Variants in KIF1B observed in about 807,000 individuals in gnomAD.
The protein encoded by KIF1B is kinesin family member 1B, also known as kinesin-like protein KIF1B.
In KIF1B, 76 loss-of-function variants were observed where a neutral mutation model predicts 241.9. That is an observed-to-expected ratio of 0.31 (90% CI 0.26 to 0.38). The LOEUF (loss-of-function observed/expected upper bound fraction) is 0.38. Among genes scored for constraint, KIF1B ranks in the 10% least tolerant of loss-of-function variants. The pLI, the probability that KIF1B is intolerant of heterozygous loss-of-function variation, is 1.00. For synonymous variants in KIF1B, 750 were observed against 796.7 expected, an observed-to-expected ratio of 0.94 and a Z score of 0.99; for missense variants, 1,622 against 2,271.4, an observed-to-expected ratio of 0.71 and a Z score of 5.81.
chr1:10,322,532 T>G (rs1651563830), intron 24 of KIF1B, among the ~76,000 whole-genome samples: 1 of 152,230 alleles, frequency 6.6e-6, no homozygotes, highest in African/African-American at 2.4e-5. Flanking sequence ...TTAGATTCAG[T>G]CTTCTGTATG....
In KIF1B at chr1:10,347,841, A is replaced by T. The variant is rs1406497379; in HGVS notation, c.3864+14A>T. On this transcript the variant is annotated intron_variant, in intron 36 of 48. Coordinates refer to ENST00000676179, the MANE Select transcript of KIF1B (RefSeq NM_001365951.3). ...TTGCTTCATCAGGTACTAATGAGGG[A>T]CCAAAACAGGCATCGGAGGGAACAC... The T allele has an allele frequency of 6.2e-7, 1 of 1,603,530 alleles. No individual in the cohort carries two copies. Among genetic ancestry groups the T allele is most frequent in the Middle Eastern group, 1.7e-4 (1 of 6,026 alleles).
chr1:10,232,279 T>G lies in KIF1B; in HGVS notation c.-50T>G, dbSNP rs1396334912. On this transcript the variant is annotated 5_prime_UTR_variant, in exon 2 of 49. It adds an upstream start codon to the 5' untranslated region. Transcript: ENST00000676179. Reference sequence around the variant, plus strand: ...CTTGGCTGTAACTTCAAAAGAAGATTTGATTCTTTATTTCTGGACTGCATA... The same window carrying G: ...CTTGGCTGTAACTTCAAAAGAAGATGTGATTCTTTATTTCTGGACTGCATA... 5.1e-6 allele frequency: 7 copies of G among 1,383,964 alleles called. No individual in the cohort carries two copies. The highest frequency in any genetic ancestry group is 7.1e-6 in the Non-Finnish European group (7 of 982,950). 85.7% of individuals were successfully genotyped at this position (1,383,964 alleles called of 1,614,324 possible). A position where few individuals can be genotyped will look rare whatever the true frequency, so the allele number is the denominator to read the frequency against.
chr1:10,288,452 G>C (rs1465620081), intron 15 of KIF1B, among the ~76,000 whole-genome samples: 1 of 152,154 alleles, frequency 6.6e-6, no homozygotes, highest in Non-Finnish European at 1.5e-5. Context: ...GGACTGTGTA[G>C]AGATGCCATT....
intron 2 of KIF1B, among the ~76,000 whole-genome samples, chr1:10,254,660 A>G (rs1398447395): frequency 6.6e-6 from 1 of 151,846 alleles, no homozygotes; most frequent in Non-Finnish European, 1.5e-5. Context: ...GTGGATCACA[A>G]GGTCAGGAGA....
In KIF1B at chr1:10,360,990, C is replaced by T. The variant is rs769198607; in HGVS notation, c.4117C>T (p.Arg1373Ter). The T allele has an allele frequency of 1.2e-6, 2 of 1,613,822 alleles. No homozygotes were observed. Among genetic ancestry groups the T allele is most frequent in the Admixed American group, 1.7e-5 (1 of 59,972 alleles). ...SSLHNSLLLN[R>*]VTPYGEKIYM... ...TCTGCATAACTCCCTTCTTCTGAAC[C>T]GAGTGACACCCTATGGAGAAAAGAT... The change falls in exon 39 of 49, where the codon CGA becomes TGA. Residue 1373 changes from arginine (R) to a stop codon, truncating the protein, a stop_gained. Transcript: ENST00000676179. LOFTEE classifies it high-confidence loss of function.
In KIF1B at chr1:10,314,633, T is replaced by C. The variant is rs1055723949; in HGVS notation, c.2116-5410T>C. Among the ~76,000 whole-genome samples, 34 of 151,468 alleles carry C rather than the reference T, an allele frequency of 2.2e-4. 2 individuals carry two copies. The highest frequency in any genetic ancestry group is 8.1e-4 in the African/African-American group (33 of 40,788). Reference sequence around the variant, plus strand: ...CAGGGTCTCACTATGTTGCCCGGACTGGTCTCAAACTCCTGAGCTCAAGTG... The same window carrying C: ...CAGGGTCTCACTATGTTGCCCGGACCGGTCTCAAACTCCTGAGCTCAAGTG... On this transcript the variant is annotated intron_variant, in intron 22 of 48. Transcript: ENST00000676179.
At chr1:10,225,954 A>G (rs1171677881) in intron 1 of KIF1B, among the ~76,000 whole-genome samples, 1 of 152,232 alleles carries the variant, frequency 6.6e-6, no homozygotes, top group African/African-American at 2.4e-5. Flanking sequence ...CAGATAGGGC[A>G]GATGAAAAGG....
In KIF1B at chr1:10,297,002, C is replaced by A. The variant is rs775155863; in HGVS notation, c.1967C>A (p.Pro656His). 1.9e-6 allele frequency: 3 copies of A among 1,613,958 alleles called. No individual in the cohort carries two copies. The highest frequency in any genetic ancestry group is 2.5e-6 in the Non-Finnish European group (3 of 1,179,996). ...CCTTCTGCTGAGACCCCCTCTGAGC[C>A]TGTGGACTGGACATTTGCCCAGAGG... ...KTPSAETPSE[P>H]VDWTFAQREL... is the part of the protein sequence containing the mutation. Residue 656 changes from proline (P) to histidine (H), a missense_variant, in exon 21 of 49, where the codon CCT (proline) becomes CAT (histidine). Pro to His is a moderately conservative substitution (Grantham distance 77). This residue lies in a region of KIF1B where 803 missense variants were observed against 1,112.0 expected (regional missense o/e 0.72). Transcript: ENST00000676179.
chr1:10,359,695 T>G (rs888837039), intron 38 of KIF1B, among the ~76,000 whole-genome samples: 1 of 152,204 alleles, frequency 6.6e-6, no homozygotes, highest in Non-Finnish European at 1.5e-5. Flanking sequence ...TTTATTCTCT[T>G]TTACTGAAAC....
At chr1:10,221,018 G>T (rs1054872489) in intron 1 of KIF1B, among the ~76,000 whole-genome samples, 1 of 149,212 alleles carries the variant, frequency 6.7e-6, no homozygotes, top group South Asian at 2.2e-4. Flanking sequence ...CCATATTGGA[G>T]ATTAAAAATC....
intron 31 of KIF1B, 26 bp from the exon 32 acceptor site, chr1:10,339,743 C>T (rs368065082): frequency 1.2e-5 from 19 of 1,595,688 alleles, no homozygotes; most frequent in Middle Eastern, 1.7e-4. Flanking sequence ...GCATTGTTCA[C>T]GAGTCTTTTT....
intron 40 of KIF1B, among the ~76,000 whole-genome samples, chr1:10,362,146 T>C (rs1423130831): frequency 6.6e-6 from 1 of 152,198 alleles, no homozygotes; most frequent in Non-Finnish European, 1.5e-5. Context: ...CTTTTTAAGA[T>C]TTGTTATGCA....
At chr1:10,236,790 A>T (rs1191358228) in intron 2 of KIF1B, among the ~76,000 whole-genome samples, 1 of 148,868 alleles carries the variant, frequency 6.7e-6, no homozygotes, top group Non-Finnish European at 1.5e-5. Context: ...GATTTTTAAC[A>T]TTTGTATGAA....
intron 32 of KIF1B, 141 bp from the exon 33 acceptor site, chr1:10,341,909 C>T (rs574654726): frequency 5.6e-5 from 38 of 677,660 alleles, no homozygotes; most frequent in South Asian, 2.0e-4. Flanking sequence ...AGGGTGAGGC[C>T]GCATGAGCCT....
At position 10,332,520 on chromosome 1, in the gene KIF1B, T is replaced by C. The variant is rs1174060928; in HGVS notation, c.2925-2000T>C. On this transcript the variant is annotated intron_variant, in intron 27 of 48. Coordinates refer to ENST00000676179, the MANE Select transcript of KIF1B (RefSeq NM_001365951.3). Reference sequence around the variant, plus strand: ...ATAGTCATTTTTTTTTTTTTTTTTTTTTTTTTTTTTTTTGAGACGGAGTCT... The same window carrying C: ...ATAGTCATTTTTTTTTTTTTTTTTTCTTTTTTTTTTTTTGAGACGGAGTCT... 3.5e-3 allele frequency among the ~76,000 whole-genome samples: 434 copies of C among 124,892 alleles called. 4 individuals are homozygous for C. The highest frequency in any genetic ancestry group is 0.013 in the African/African-American group (412 of 32,556). The allele number at this position is 124,892 out of a possible 152,430, so 81.9% of individuals were successfully genotyped here. A position where few individuals can be genotyped will look rare whatever the true frequency, so the allele number is the denominator to read the frequency against.
At chr1:10,226,680 A>G (rs536094148) in intron 1 of KIF1B, among the ~76,000 whole-genome samples, 27 of 152,282 alleles carry the variant, frequency 1.8e-4, no homozygotes, top group African/African-American at 6.5e-4. Context: ...TAAAAAATGT[A>G]TTTTTAGGCC....
At chr1:10,224,913 G>T (rs963969792) in intron 1 of KIF1B, among the ~76,000 whole-genome samples, 1 of 152,160 alleles carries the variant, frequency 6.6e-6, no homozygotes, top group Non-Finnish European at 1.5e-5. Flanking sequence ...CAGGGTTGGG[G>T]TGATGGTCTC....
chr1:10,355,678 T>A (rs1047299052), intron 38 of KIF1B, among the ~76,000 whole-genome samples: 5 of 152,204 alleles, frequency 3.3e-5, no homozygotes, highest in Non-Finnish European at 7.3e-5. Context: ...TGTTTCTCCC[T>A]TCATTTCATA....
intron 7 of KIF1B, among the ~76,000 whole-genome samples, chr1:10,271,071 T>G (rs1056340079): frequency 6.6e-6 from 1 of 152,126 alleles, no homozygotes; most frequent in African/African-American, 2.4e-5. Flanking sequence ...TTGATGAGTT[T>G]TATATATTTT....
Sources: gnomAD v4.1 joint callset for allele counts (sites outside exome capture counted in the v4.1 genomes callset) on GRCh38, gnomAD v4.1.1 for gene constraint, gnomAD v4.1.1 regional missense constraint, MANE v1.5 for transcripts, NCBI Gene and HGNC (gene_info 2026-07-23, HGNC 2026-07-21) for gene names.